DDI2: variants seen among roughly 807,000 people sequenced by gnomAD.
DDI2 encodes protein DDI1 homolog 2.
In DDI2, 5 loss-of-function variants were observed where a neutral mutation model predicts 48.1. The observed-to-expected ratio is 0.10, with a 90% CI of 0.05 to 0.22. DDI2 has a LOEUF of 0.22. Among genes scored for constraint, DDI2 ranks in the 10% least tolerant of loss-of-function variants. The probability of loss-of-function intolerance (pLI) is 1.00; values close to 1 mark genes in which losing one functional copy is unlikely to be tolerated. For synonymous variants in DDI2, 205 were observed against 183.6 expected (o/e 1.12, Z -0.94); for missense variants, 285 against 506.2 (o/e 0.56, Z 4.19).
intron 5 of DDI2, among the ~76,000 whole-genome samples, chr1:15,641,872 T>C (rs1474640963): frequency 6.7e-6 from 1 of 150,222 alleles, no homozygotes; most frequent in Non-Finnish European, 1.5e-5. Flanking sequence ...GGAGAATCGC[T>C]TGAACCCAGG....
At chr1:15,645,799 G>A (rs952698268) in intron 6 of DDI2, among the ~76,000 whole-genome samples, 1 of 149,800 alleles carries the variant, frequency 6.7e-6, no homozygotes, top group African/African-American at 2.5e-5. Context: ...GAGCCAGGGA[G>A]ATAGAGGCTG....
At chr1:15,648,779 A>G (rs1640129623) in intron 6 of DDI2, among the ~76,000 whole-genome samples, 1 of 135,518 alleles carries the variant, frequency 7.4e-6, no homozygotes, top group Non-Finnish European at 1.5e-5. Context: ...GGGAGGGAGG[A>G]TTGCTTGAGC....
At chr1:15,646,221 C>G (rs1640087550) in intron 6 of DDI2, among the ~76,000 whole-genome samples, 2 of 152,218 alleles carry the variant, frequency 1.3e-5, no homozygotes, top group Admixed American at 1.3e-4. Flanking sequence ...AGCCTTGCTG[C>G]TTTGGGTCCA....
At position 15,659,830 on chromosome 1, in the gene DDI2, C is replaced by T. The variant is rs1557625098; in HGVS notation, c.*47-7C>T. On this transcript the variant is annotated splice_polypyrimidine_tract_variant and splice_region_variant and intron_variant, in intron 9 of 9. Coordinates refer to ENST00000480945, the MANE Select transcript of DDI2 (RefSeq NM_032341.5). Reference sequence around the variant, plus strand: ...AATCTTTTTCCTTTCCCCTGTGTTCCATATAGAGAAAAGTGGTAAAGAATC... The same window carrying T: ...AATCTTTTTCCTTTCCCCTGTGTTCTATATAGAGAAAAGTGGTAAAGAATC... The T allele has an allele frequency of 1.3e-6, 2 of 1,519,776 alleles. No individual in the cohort carries two copies. The highest frequency in any genetic ancestry group is 1.8e-6 in the Non-Finnish European group (2 of 1,140,926). The allele number at this position is 1,519,776 out of a possible 1,614,324, so 94.1% of individuals were successfully genotyped here. A position where few individuals can be genotyped will look rare whatever the true frequency, so the allele number is the denominator to read the frequency against.
rs759213851 is a variant in DDI2 at position 15,661,086 on chromosome 1, C to T, written c.*1296C>T. The stretch of plus-strand genomic sequence containing the variant: ...GATGGACCCAAAATGAGCATCTTAC[C>T]CAGAATGAACAGTGTCCACAAGTCT... On this transcript the variant is annotated 3_prime_UTR_variant, in exon 10 of 10. Coordinates refer to ENST00000480945, the MANE Select transcript of DDI2 (RefSeq NM_032341.5). The T allele has an allele frequency of 1.9e-6, 3 of 1,613,968 alleles. No individual in the cohort carries two copies. Among genetic ancestry groups the T allele is most frequent in the Admixed American group, 1.7e-5 (1 of 59,996 alleles).
chr1:15,649,630 C>T (rs1017416647), intron 6 of DDI2, 90 bp from the exon 7 acceptor site: 33 of 1,298,454 alleles, frequency 2.5e-5, no homozygotes, highest in Non-Finnish European at 3.4e-5. Context: ...AGGATTATGC[C>T]ATTGCACTCC....
At chr1:15,637,598 C>A (rs1639948578) in intron 4 of DDI2, among the ~76,000 whole-genome samples, 1 of 152,188 alleles carries the variant, frequency 6.6e-6, no homozygotes, top group African/African-American at 2.4e-5. Context: ...GAACTCCTGA[C>A]CTCCGGTGAT....
At chr1:15,641,725 C>G (rs1025704571) in intron 5 of DDI2, among the ~76,000 whole-genome samples, 1 of 151,848 alleles carries the variant, frequency 6.6e-6, no homozygotes, top group Non-Finnish European at 1.5e-5. Context: ...GAGGCCAAGG[C>G]AGGTGGATCA....
At chr1:15,620,431 C>A (rs1296483762) in intron 1 of DDI2, among the ~76,000 whole-genome samples, 1 of 152,056 alleles carries the variant, frequency 6.6e-6, no homozygotes, top group Non-Finnish European at 1.5e-5. Flanking sequence ...TGAGTGTCCC[C>A]CCCCATTACC....
At chr1:15,627,545 T>C (rs536019906) in intron 2 of DDI2, among the ~76,000 whole-genome samples, 5 of 152,332 alleles carry the variant, frequency 3.3e-5, no homozygotes, top group Non-Finnish European at 7.4e-5. Flanking sequence ...TAGTAGGTTC[T>C]ATGTCACTGA....
chr1:15,660,372 C>T lies in DDI2; in HGVS notation c.*582C>T, dbSNP rs1640347611. On this transcript the variant is annotated 3_prime_UTR_variant, in exon 10 of 10. Transcript: ENST00000480945. ...GTCAAGTGAGTGACCCTCAGCAGCA[C>T]GAAGAACCAGGGAATGAACAGTATG... is the stretch of plus-strand genomic sequence containing the variant. 3 of 1,613,784 alleles carry T rather than the reference C, an allele frequency of 1.9e-6. No homozygotes were observed. The African/African-American group carries it at 4.0e-5, about 22-fold the overall frequency.
chr1:15,619,501 G>A (rs1405380935), intron 1 of DDI2, among the ~76,000 whole-genome samples: 1 of 145,992 alleles, frequency 6.8e-6, no homozygotes, highest in African/African-American at 2.5e-5. Flanking sequence ...AGTCTCTGTC[G>A]CCTAGGCTGG....
At chr1:15,640,536 C>T (rs1473895333) in intron 5 of DDI2, among the ~76,000 whole-genome samples, 1 of 152,164 alleles carries the variant, frequency 6.6e-6, no homozygotes, top group Admixed American at 6.5e-5. Flanking sequence ...TGTTGGATGG[C>T]TGTAGAGACC....
At chr1:15,625,346 T>G (rs1570966752) in intron 1 of DDI2, among the ~76,000 whole-genome samples, 1 of 152,176 alleles carries the variant, frequency 6.6e-6, no homozygotes, top group East Asian at 1.9e-4. Flanking sequence ...TGGTGAAAAA[T>G]CATTAGGAGG....
At chr1:15,653,550 T>TA (rs201847560) in intron 8 of DDI2, among the ~76,000 whole-genome samples, 3 of 151,324 alleles carry the variant, frequency 2.0e-5, no homozygotes, top group South Asian at 2.1e-4. Context: ...TTTACTTAAT[T>TA]AAAAAAAAAA....
chr1:15,634,559 G>T (rs893468518), intron 4 of DDI2, among the ~76,000 whole-genome samples: 2 of 11,780 alleles, frequency 1.7e-4, no homozygotes, highest in African/African-American at 5.8e-3. Context: ...TTGAGACAAG[G>T]TCTCACTCTG....
chr1:15,624,667 A>C (rs1457263093), intron 1 of DDI2, among the ~76,000 whole-genome samples: 1 of 151,780 alleles, frequency 6.6e-6, no homozygotes, highest in Middle Eastern at 3.2e-3. Flanking sequence ...ATGCGGTCTC[A>C]CTATGTTGCC....
chr1:15,659,935 G>A lies in DDI2; in HGVS notation c.*145G>A. 1.2e-6 allele frequency: 2 copies of A among 1,613,622 alleles called. No individual in the cohort carries two copies. Among genetic ancestry groups the A allele is most frequent in the Non-Finnish European group, 1.7e-6 (2 of 1,179,878 alleles). On this transcript the variant is annotated 3_prime_UTR_variant, in exon 10 of 10. Coordinates refer to ENST00000480945, the MANE Select transcript of DDI2 (RefSeq NM_032341.5). ...CCGTTCTTCAGGACAGAGTCCTGATGTTGGTAATCCTATGAGTCTTGCTCG... is the reference window on the plus strand; with the variant it reads ...CCGTTCTTCAGGACAGAGTCCTGATATTGGTAATCCTATGAGTCTTGCTCG...
rs147242759 is a variant in DDI2 at position 15,634,465 on chromosome 1, C to G, written c.632+900C>G. Among the ~76,000 whole-genome samples the G allele has an allele frequency of 8.9e-4, 135 of 151,568 alleles. 2 individuals carry two copies. The East Asian group carries it at 0.023, about 25-fold the overall frequency. ...TTCCGGTTACTTAAATGAAGCCTAA[C>G]TTGGTCATTGTATTACACTATCTAT... On this transcript the variant is annotated intron_variant, in intron 4 of 9. Coordinates refer to ENST00000480945, the MANE Select transcript of DDI2 (RefSeq NM_032341.5).
Sources: gnomAD v4.1 joint callset for allele counts (sites outside exome capture counted in the v4.1 genomes callset) on GRCh38, gnomAD v4.1.1 for gene constraint, MANE v1.5 for transcripts, NCBI Gene and HGNC (gene_info 2026-07-23, HGNC 2026-07-21) for gene names.